The following C3orf52 variants were observed in gnomAD, a reference collection of about 807,000 sequenced individuals.
C3orf52 encodes the protein TPA-induced transmembrane protein.
In C3orf52, 22 loss-of-function variants were observed where a neutral mutation model predicts 24.8. The ratio of observed to expected loss-of-function variants is 0.89; its 90% confidence interval spans 0.63 to 1.27. The LOEUF (loss-of-function observed/expected upper bound fraction) is 1.27. Ranked by LOEUF, C3orf52 falls within the 50% of genes most tolerant of loss-of-function variation. C3orf52 has a pLI of 0.00. For synonymous variants in C3orf52, 93 were observed against 100.2 expected, an observed-to-expected ratio of 0.93 and a Z score of 0.43; for missense variants, 265 against 260.7, an observed-to-expected ratio of 1.02 and a Z score of -0.11.
chr3:112,086,928 TTC>T (rs895361530), intron 1 of C3orf52, among the ~76,000 whole-genome samples: 2 of 152,194 alleles, frequency 1.3e-5, no homozygotes, highest in African/African-American at 4.8e-5. Context: ...AGTATCCTCC[TTC>T]TCTCAGAATC....
intron 2 of C3orf52, among the ~76,000 whole-genome samples, chr3:112,099,123 T>G (rs1259256457): frequency 6.6e-6 from 1 of 152,160 alleles, no homozygotes; most frequent in African/African-American, 2.4e-5. Flanking sequence ...CATGCTTGTT[T>G]CCCCTGAGCC....
intron 1 of C3orf52, among the ~76,000 whole-genome samples, chr3:112,086,947 GTCC>G (rs1458828667): frequency 1.3e-5 from 2 of 152,100 alleles, no homozygotes; most frequent in Admixed American, 6.6e-5. Context: ...AATCTCTTCT[GTCC>G]TCCTCTTACC....
At chr3:112,103,695 A>G (rs541963966) in intron 3 of C3orf52, among the ~76,000 whole-genome samples, 1 of 152,324 alleles carries the variant, frequency 6.6e-6, no homozygotes, top group East Asian at 1.9e-4. Context: ...TCAGGTGAAG[A>G]TGAAGGCATG....
intron 5 of C3orf52, 59 bp downstream of exon 5, chr3:112,113,204 G>T: frequency 7.0e-7 from 1 of 1,419,506 alleles, no homozygotes; most frequent in Non-Finnish European, 9.5e-7. Flanking sequence ...ACCAGATTGG[G>T]GTCAAATTGG....
At chr3:112,105,175 G>T (rs1209702867) in intron 3 of C3orf52, among the ~76,000 whole-genome samples, 1 of 152,198 alleles carries the variant, frequency 6.6e-6, no homozygotes, top group African/African-American at 2.4e-5. Flanking sequence ...AGATTTCTTT[G>T]AGCCAGTTTC....
At chr3:112,105,404 G>C (rs1186016246) in intron 3 of C3orf52, among the ~76,000 whole-genome samples, 1 of 152,158 alleles carries the variant, frequency 6.6e-6, no homozygotes, top group East Asian at 1.9e-4. Flanking sequence ...TTATTGTCAG[G>C]TCAATAACTC....
At chr3:112,129,975 A>T (rs2074413025), downstream of C3orf52, 1 of 156,570 alleles carries the variant, frequency 6.4e-6, no homozygotes, top group Non-Finnish European at 1.4e-5. Context: ...CTGTTCAAAA[A>T]GAATTAATGA....
rs1289444687 is a variant in C3orf52 at position 112,113,045 on chromosome 3, TGAG to T, written c.553_555del (p.Glu185del). On this transcript the variant is annotated inframe_deletion, in exon 5 of 6. Transcript: ENST00000264848. Reference sequence around the variant, plus strand: ...AAAATTTTATGAAGTATATGATGAGTGAGGAGTTGGTGCTGGGCATTTTGCTAC... The same window carrying T: ...AAAATTTTATGAAGTATATGATGAGTGAGTTGGTGCTGGGCATTTTGCTAC... 23 of 1,609,416 alleles carry T rather than the reference TGAG, an allele frequency of 1.4e-5. No homozygotes were observed. The Admixed American group carries it at 3.5e-4, about 25-fold the overall frequency.
At chr3:112,124,258 G>C (rs992302088) in intron 4 of C3orf52, among the ~76,000 whole-genome samples, 2 of 152,128 alleles carry the variant, frequency 1.3e-5, no homozygotes, top group African/African-American at 4.8e-5. Context: ...AGTGGACTAA[G>C]ACACTACCCA....
chr3:112,119,670 C>T, downstream of C3orf52: 1 of 595,752 alleles, frequency 1.7e-6, no homozygotes, highest in Admixed American at 2.9e-5. Context: ...TCTCAATGTC[C>T]TCCTTCTCCT....
intron 3 of C3orf52, among the ~76,000 whole-genome samples, chr3:112,104,316 C>T (rs2074005193): frequency 6.6e-6 from 1 of 152,218 alleles, no homozygotes; most frequent in East Asian, 1.9e-4. Context: ...AGGTGGTTCA[C>T]AGCCAGACCC....
Position 112,086,561 on chromosome 3 carries a change from C to A in C3orf52, c.138+16C>A, listed in dbSNP as rs917125221. On this transcript the variant is annotated intron_variant, in intron 1 of 5. Transcript: ENST00000264848. The stretch of plus-strand genomic sequence containing the variant: ...CCCGGCCGAGGTAAGGTCCCCTTGG[C>A]GCTGGCCCTAACTTGCCGGCGGCGG... The A allele has an allele frequency of 4.5e-6, 7 of 1,545,436 alleles. No homozygotes were observed. Among genetic ancestry groups the A allele is most frequent in the Non-Finnish European group, 6.1e-6 (7 of 1,144,294 alleles).
intron 1 of C3orf52, 73 bp from the exon 2 acceptor site, chr3:112,093,287 G>T: frequency 6.6e-7 from 1 of 1,523,992 alleles, no homozygotes; most frequent in Admixed American, 1.8e-5. Context: ...CTGTGTCTCT[G>T]GCACATCCTA....
chr3:112,123,498 C>G, intron 4 of C3orf52: 1 of 1,614,098 alleles, frequency 6.2e-7, no homozygotes, highest in Non-Finnish European at 8.5e-7. Flanking sequence ...CATAAGTGGA[C>G]GTGGCTGTTG....
intron 3 of C3orf52, among the ~76,000 whole-genome samples, chr3:112,104,670 G>T (rs1283553596): frequency 6.6e-6 from 1 of 151,708 alleles, no homozygotes. Context: ...GGTTTTGGGG[G>T]ACCAGGTGGT....
intron 4 of C3orf52, 102 bp downstream of exon 4, chr3:112,109,715 GCAT>G: frequency 1.4e-6 from 1 of 698,206 alleles, no homozygotes; most frequent in Non-Finnish European, 2.5e-6. Context: ...GAGCCTCAGA[GCAT>G]GAAGGGAACC....
downstream of C3orf52, among the ~76,000 whole-genome samples, chr3:112,118,924 A>G (rs1422361445): frequency 6.6e-6 from 1 of 152,192 alleles, no homozygotes; most frequent in African/African-American, 2.4e-5. Flanking sequence ...TTGCCTTTCA[A>G]TTTAATTTAG....
intron 4 of C3orf52, among the ~76,000 whole-genome samples, chr3:112,123,983 A>G (rs976335867): frequency 1.3e-5 from 2 of 151,730 alleles, no homozygotes; most frequent in South Asian, 2.1e-4. Flanking sequence ...GCTCAGGTGC[A>G]TCCTCTGCCC....
intron 3 of C3orf52, among the ~76,000 whole-genome samples, chr3:112,105,772 G>A (rs563019443): frequency 3.5e-4 from 51 of 147,802 alleles, no homozygotes; most frequent in Non-Finnish European, 3.7e-4. Context: ...GCAGTGAGCC[G>A]AGACCGTGCC....
Sources: allele counts gnomAD v4.1 joint callset (sites outside exome capture counted in the v4.1 genomes callset), GRCh38; gene constraint gnomAD v4.1.1; transcripts MANE v1.5; gene names NCBI Gene and HGNC (gene_info 2026-07-23, HGNC 2026-07-21).